The following PCDH11X variants were observed in gnomAD, a reference collection of about 807,000 sequenced individuals.
The protein encoded by PCDH11X is protocadherin-11 X-linked.
In PCDH11X, 18 loss-of-function variants were observed where a neutral mutation model predicts 53.3. The ratio of observed to expected loss-of-function variants is 0.34; its 90% CI spans 0.23 to 0.50. The LOEUF (loss-of-function observed/expected upper bound fraction) is 0.50. PCDH11X is among the 20% of genes least tolerant of loss of function. The pLI is 0.98. For synonymous variants in PCDH11X, 279 were observed against 393.3 expected, an observed-to-expected ratio of 0.71 and a Z score of 3.44; for missense variants, 570 against 1,032.4, an observed-to-expected ratio of 0.55 and a Z score of 6.14.
intron 6 of PCDH11X, among the ~76,000 whole-genome samples, chrX:92,076,241 C>T (rs1185358508): frequency 6.3e-4 from 68 of 108,571 alleles, no homozygotes; most frequent in African/African-American, 2.2e-3. Context: ...TAAAAAAGGT[C>T]TTGCATCGTT....
intron 7 of PCDH11X, among the ~76,000 whole-genome samples, chrX:92,227,292 C>T (rs964173667): frequency 1.8e-5 from 2 of 111,061 alleles, no homozygotes; most frequent in Admixed American, 9.7e-5. Context: ...TTTCTGTTTT[C>T]TATTTTTTTT....
rs76203838 is a variant in PCDH11X, at chrX:92,324,429, C to A, written c.3144+61286C>A. On this transcript the variant is annotated intron_variant, in intron 8 of 10. Coordinates refer to ENST00000682573, the MANE Select transcript of PCDH11X (RefSeq NM_032968.5). ...ACAATCTGACTTAATAGATCAGATACATTTACCTTCACTTATAGCTTTAGA... is the reference window on the plus strand; with the variant it reads ...ACAATCTGACTTAATAGATCAGATAAATTTACCTTCACTTATAGCTTTAGA... Among the ~76,000 whole-genome samples, 314 of 111,748 alleles carry A rather than the reference C, an allele frequency of 2.8e-3. 6 individuals carry two copies. In the East Asian group the frequency reaches 0.054, roughly 19 times the overall value.
rs149998875 is a variant in PCDH11X, at chrX:91,850,182, T to C, written c.540+14138T>C. 1.6e-3 allele frequency among the ~76,000 whole-genome samples: 183 copies of C among 111,066 alleles called. 3 individuals carry two copies. The East Asian group carries it at 0.045, about 27-fold the overall frequency. On this transcript the variant is annotated intron_variant, in intron 5 of 10. Coordinates refer to ENST00000682573, the MANE Select transcript of PCDH11X (RefSeq NM_032968.5). ...CAGCATCTGTTACTCTTCTAAGAGA[T>C]TAAGTCAAACCAAATAGGTGTGTCT...
intron 8 of PCDH11X, among the ~76,000 whole-genome samples, chrX:92,377,320 C>T (rs955149725): frequency 1.8e-5 from 2 of 110,403 alleles, no homozygotes; most frequent in Non-Finnish European, 3.8e-5. Context: ...AATGAAGGTG[C>T]CCCAACACTA....
chrX:91,920,328 G>A (rs1941701408), intron 6 of PCDH11X, among the ~76,000 whole-genome samples: 1 of 110,069 alleles, frequency 9.1e-6, no homozygotes, highest in Non-Finnish European at 1.9e-5. Context: ...GGATAAAATA[G>A]GGCCACACTA....
At chrX:92,360,159 C>T (rs929547834) in intron 8 of PCDH11X, among the ~76,000 whole-genome samples, 59 of 110,943 alleles carry the variant, frequency 5.3e-4, no homozygotes, top group African/African-American at 1.9e-3. Flanking sequence ...TTTAGAAGTA[C>T]TTGTAGGGTA....
intron 10 of PCDH11X, among the ~76,000 whole-genome samples, chrX:92,610,041 G>A (rs1425397751): frequency 1.8e-5 from 2 of 111,960 alleles, no homozygotes; most frequent in Non-Finnish European, 3.8e-5. Flanking sequence ...ATTGTGAACA[G>A]TGCTGTGTCA....
At chrX:91,872,717 G>A (rs1229841353) in intron 5 of PCDH11X, among the ~76,000 whole-genome samples, 2 of 103,962 alleles carry the variant, frequency 1.9e-5, no homozygotes, top group African/African-American at 3.5e-5. Flanking sequence ...AGGATGTGTC[G>A]GTGCTGAAGA....
At chrX:92,603,231 AAG>A (rs1330478267) in intron 10 of PCDH11X, among the ~76,000 whole-genome samples, 6 of 105,351 alleles carry the variant, frequency 5.7e-5, no homozygotes, top group African/African-American at 2.1e-4. Flanking sequence ...TCTAAAGAAA[AAG>A]AGAGAAAAAA....
chrX:92,081,711 A>AACACACAC (rs34848503), intron 6 of PCDH11X, among the ~76,000 whole-genome samples: 22 of 100,859 alleles, frequency 2.2e-4, no homozygotes, highest in African/African-American at 1.4e-4. Context: ...CTGAGCCAAT[A>AACACACAC]ACACACACAC....
chrX:92,261,151 A>T (rs2067707477), intron 7 of PCDH11X, among the ~76,000 whole-genome samples: 2 of 110,059 alleles, frequency 1.8e-5, no homozygotes, highest in Admixed American at 9.7e-5. Flanking sequence ...ATATTTCTGT[A>T]CTTTCTTTTT....
chrX:92,221,603 C>G (rs1298318376), intron 7 of PCDH11X, among the ~76,000 whole-genome samples: 2 of 111,708 alleles, frequency 1.8e-5, no homozygotes, highest in African/African-American at 6.5e-5. Context: ...TAATCTAGAA[C>G]TATTATAAGC....
intron 6 of PCDH11X, among the ~76,000 whole-genome samples, chrX:92,042,286 G>C (rs2063220452): frequency 9.2e-6 from 1 of 109,088 alleles, no homozygotes; most frequent in Non-Finnish European, 1.9e-5. Flanking sequence ...AGAAATCCTT[G>C]TCTTGAATGA....
chrX:92,387,136 A>G (rs1053518537), intron 8 of PCDH11X, among the ~76,000 whole-genome samples: 4 of 108,161 alleles, frequency 3.7e-5, no homozygotes, highest in Non-Finnish European at 5.8e-5. Context: ...ATTTGTTTTC[A>G]TAATTGCCAT....
chrX:92,453,151 G>C (rs2072835143), intron 9 of PCDH11X, among the ~76,000 whole-genome samples: 1 of 104,713 alleles, frequency 9.5e-6, no homozygotes, highest in Non-Finnish European at 1.9e-5. Context: ...TATTAATTTG[G>C]GATTATATAT....
intron 6 of PCDH11X, among the ~76,000 whole-genome samples, chrX:91,989,574 C>A (rs1231598387): frequency 4.9e-5 from 5 of 102,653 alleles, no homozygotes; most frequent in South Asian, 4.5e-4. Flanking sequence ...AAAACAACAA[C>A]AAAAAAAAGA....
At chrX:91,936,652 G>T (rs918353199) in intron 6 of PCDH11X, among the ~76,000 whole-genome samples, 1 of 104,972 alleles carries the variant, frequency 9.5e-6, no homozygotes, top group Non-Finnish European at 2.0e-5. Flanking sequence ...ATATTTGAAG[G>T]TGTTTGTTTA....
chrX:92,589,682 G>T (rs949503680), intron 10 of PCDH11X, among the ~76,000 whole-genome samples: 4 of 111,664 alleles, frequency 3.6e-5, no homozygotes, highest in African/African-American at 1.3e-4. Context: ...TCTAAAAATT[G>T]TATCAGTGAG....
chrX:92,522,242 C>T (rs956666228), intron 10 of PCDH11X, among the ~76,000 whole-genome samples: 2 of 111,090 alleles, frequency 1.8e-5, no homozygotes, highest in East Asian at 2.8e-4. Context: ...CACTTGAACA[C>T]GTAAGATGCC....
Sources: gnomAD v4.1 joint callset for allele counts (sites outside exome capture counted in the v4.1 genomes callset) on GRCh38, gnomAD v4.1.1 for gene constraint, MANE v1.5 for transcripts, NCBI Gene and HGNC (gene_info 2026-07-23, HGNC 2026-07-21) for gene names.